The following IDH1 variants were observed in gnomAD, a reference collection of about 807,000 sequenced individuals.
The protein encoded by IDH1 is isocitrate dehydrogenase (NADP(+)) 1.
Under a neutral mutation model 46.1 loss-of-function variants are expected in IDH1, and 33 were observed. The observed-to-expected ratio is 0.72, with a 90% CI of 0.54 to 0.96. The LOEUF is 0.96. Ranked by LOEUF, IDH1 falls within the 40% of genes least tolerant of loss-of-function variation. The pLI is 0.00. For synonymous variants in IDH1, 144 were observed against 172.8 expected, an observed-to-expected ratio of 0.83 and a Z score of 1.31; for missense variants, 421 against 515.7, an observed-to-expected ratio of 0.82 and a Z score of 1.78.
At chr2:208,250,764 G>A (rs1688108510) in intron 3 of IDH1, among the ~76,000 whole-genome samples, 1 of 152,218 alleles carries the variant, frequency 6.6e-6, no homozygotes, top group Admixed American at 6.5e-5. Context: ...TGCTGGAAAG[G>A]AGGGGTTCAA....
In IDH1 at chr2:208,253,933, C is replaced by T. The variant is rs1460552941; in HGVS notation, c.-64G>A. The T allele has an allele frequency of 1.3e-5, 2 of 152,236 alleles. No homozygotes were observed. The highest frequency in any genetic ancestry group is 3.8e-4 in the East Asian group (2 of 5,204). 9.4% of individuals were successfully genotyped at this position (152,236 alleles called of 1,614,324 possible). ...ATCACCCCAGTTCCTCCCAGTCTTG[C>T]AGACTCAACTGAATGTAGTTTATCG... On this transcript the variant is annotated 5_prime_UTR_variant, in exon 2 of 10. Coordinates refer to ENST00000345146, the MANE Select transcript of IDH1 (RefSeq NM_005896.4).
intron 2 of IDH1, 72 bp from the exon 3 acceptor site, chr2:208,251,639 G>A: frequency 7.8e-7 from 1 of 1,274,258 alleles, no homozygotes; most frequent in Non-Finnish European, 1.1e-6. Context: ...ACAACGTAGT[G>A]TTTATATAAA....
chr2:208,251,277 T>G, intron 3 of IDH1, 153 bp downstream of exon 3: 1 of 609,702 alleles, frequency 1.6e-6, no homozygotes, highest in Non-Finnish European at 2.9e-6. Context: ...AGTGATGGGG[T>G]CTCACTCTGT....
At chr2:208,241,844 C>T (rs1687925005) in intron 7 of IDH1, 150 bp downstream of exon 7, 2 of 736,902 alleles carry the variant, frequency 2.7e-6, no homozygotes, top group South Asian at 3.3e-5. Context: ...CTAGTCTGAG[C>T]TTAATTTCCT....
intron 7 of IDH1, among the ~76,000 whole-genome samples, chr2:208,240,591 C>T (rs558721662): frequency 5.9e-5 from 9 of 152,232 alleles, no homozygotes; most frequent in South Asian, 2.1e-4. Flanking sequence ...AACACAGGAT[C>T]GGTTGGATCT....
intron 2 of IDH1, 84 bp from the exon 3 acceptor site, chr2:208,251,651 A>G: frequency 9.1e-7 from 1 of 1,093,228 alleles, no homozygotes; most frequent in Non-Finnish European, 1.4e-6. Flanking sequence ...TTATATAAAC[A>G]ACGTAGTGAC....
intron 5 of IDH1, 62 bp downstream of exon 5, chr2:208,245,256 TA>T: frequency 1.1e-6 from 1 of 892,042 alleles, no homozygotes; most frequent in Non-Finnish European, 1.8e-6. Context: ...AAAAAAGCAA[TA>T]AAAATATTAT....
At chr2:208,238,039 CT>C (rs71036995) in intron 9 of IDH1, among the ~76,000 whole-genome samples, 313 of 143,552 alleles carry the variant, frequency 2.2e-3, no homozygotes, top group Middle Eastern at 3.5e-3. Context: ...ACACTGCAAT[CT>C]TTTTTTTTTT....
chr2:208,239,580 C>T (rs904522450), intron 8 of IDH1, among the ~76,000 whole-genome samples: 1 of 152,168 alleles, frequency 6.6e-6, no homozygotes, highest in Non-Finnish European at 1.5e-5. Context: ...AGGATCTATC[C>T]ATGTGACTTT....
chr2:208,240,358 C>T (rs905901527), intron 7 of IDH1: 1 of 261,838 alleles, frequency 3.8e-6, no homozygotes, highest in African/African-American at 2.2e-5. Context: ...ACCTACTTCA[C>T]TAGGTTGCTG....
chr2:208,241,512 G>A (rs1452312570), intron 7 of IDH1, among the ~76,000 whole-genome samples: 3 of 151,710 alleles, frequency 2.0e-5, no homozygotes, highest in Admixed American at 6.6e-5. Context: ...GATTACAGGC[G>A]TGAGCCACTG....
intron 6 of IDH1, among the ~76,000 whole-genome samples, chr2:208,242,769 C>CTTTTT (rs1206390027): frequency 7.2e-6 from 1 of 139,698 alleles, no homozygotes. Flanking sequence ...CTTTTCTTTT[C>CTTTTT]TTTTTTTTTT....
chr2:208,252,038 G>A (rs148491376), intron 2 of IDH1, among the ~76,000 whole-genome samples: 6 of 152,276 alleles, frequency 3.9e-5, no homozygotes, highest in Middle Eastern at 3.4e-3. Context: ...GGGCTCTCAA[G>A]ATGTCCAGAA....
rs755237893 is a variant in IDH1 at position 208,243,434 on chromosome 2, A to G, written c.691T>C (p.Tyr231His). Residue 231 changes from tyrosine (Y) to histidine (H), a missense_variant, in exon 6 of 10, where the codon TAT becomes CAT. Physicochemically the swap from Tyr to His is moderately conservative, Grantham distance 83 (BLOSUM62 2). Coordinates refer to ENST00000345146, the MANE Select transcript of IDH1 (RefSeq NM_005896.4). ...GRFKDIFQEIYDKQYKSQFEA... is the reference protein window; with the variant it reads ...GRFKDIFQEIHDKQYKSQFEA... ...AAAAAGAACTATAGTTACTTGTCAT[A>G]TATCTCCTGAAAGATGTCTTTAAAA... The G allele has an allele frequency of 1.2e-5, 19 of 1,611,010 alleles. No individual in the cohort carries two copies. Among genetic ancestry groups the G allele is most frequent in the Admixed American group, 1.7e-5 (1 of 60,008 alleles).
chr2:208,239,009 C>G, intron 9 of IDH1, 62 bp downstream of exon 9: 1 of 1,404,386 alleles, frequency 7.1e-7, no homozygotes, highest in East Asian at 2.3e-5. Context: ...AGCACCGATG[C>G]TCTGAGCCCA....
chr2:208,237,187 A>G lies in IDH1; in HGVS notation c.1155-18T>C, dbSNP rs752813398. The G allele has an allele frequency of 4.8e-6, 7 of 1,472,194 alleles. No homozygotes were observed. Among genetic ancestry groups the G allele is most frequent in the Non-Finnish European group, 6.6e-6 (7 of 1,054,548 alleles). The allele number at this position is 1,472,194 out of a possible 1,614,324, so 91.2% of individuals were successfully genotyped here. On this transcript the variant is annotated intron_variant, in intron 9 of 9. Transcript: ENST00000345146. ...GTTGCACACTAACGGGAAGGAAAAA[A>G]AAAAGAAAATTTAGTTGGTCTCTGA... is the stretch of plus-strand genomic sequence containing the variant.
intron 2 of IDH1, among the ~76,000 whole-genome samples, chr2:208,253,495 G>C (rs998238029): frequency 6.6e-6 from 1 of 152,172 alleles, no homozygotes; most frequent in Non-Finnish European, 1.5e-5. Context: ...AGGAAGGGCT[G>C]TTCCAAGACC....
chr2:208,242,774 T>C (rs1448790867), intron 6 of IDH1, among the ~76,000 whole-genome samples: 1 of 151,880 alleles, frequency 6.6e-6, no homozygotes, highest in African/African-American at 2.4e-5. Flanking sequence ...CTTTTCTTTT[T>C]TTTTTTTTGA....
intron 7 of IDH1, 114 bp from the exon 8 acceptor site, chr2:208,240,117 C>T: frequency 9.2e-7 from 1 of 1,084,952 alleles, no homozygotes; most frequent in South Asian, 1.3e-5. Flanking sequence ...GCAAAGTAAA[C>T]AAGAGCACAT....
Sources: gnomAD v4.1 joint callset for allele counts (sites outside exome capture counted in the v4.1 genomes callset) on GRCh38, gnomAD v4.1.1 for gene constraint, MANE v1.5 for transcripts, NCBI Gene and HGNC (gene_info 2026-07-23, HGNC 2026-07-21) for gene names.